ALK: variants seen among roughly 807,000 people sequenced by gnomAD.
ALK encodes the protein ALK receptor tyrosine kinase.
A neutral mutation model predicts 163.1 loss-of-function variants in ALK; 74 were observed. That is an observed-to-expected ratio of 0.45 (90% CI 0.38 to 0.55). The LOEUF (loss-of-function observed/expected upper bound fraction) is 0.55. ALK is among the 20% of genes least tolerant of loss of function. ALK has a pLI of 0.00. For synonymous variants in ALK, 960 were observed against 843.2 expected, an observed-to-expected ratio of 1.14 and a Z score of -2.40; for missense variants, 2,063 against 2,105.3, an observed-to-expected ratio of 0.98 and a Z score of 0.39.
chr2:29,303,941 T>C (rs1290062694), intron 8 of ALK, among the ~76,000 whole-genome samples: 3 of 152,188 alleles, frequency 2.0e-5, no homozygotes, highest in African/African-American at 4.8e-5. Flanking sequence ...AAACTCACTA[T>C]TTGGGTGATG....
intron 1 of ALK, among the ~76,000 whole-genome samples, chr2:29,762,250 A>C (rs997134813): frequency 6.6e-6 from 1 of 152,202 alleles, no homozygotes; most frequent in Non-Finnish European, 1.5e-5. Context: ...CCATTAAACC[A>C]AAGTTATTAT....
At chr2:29,682,687 C>A (rs1678112265) in intron 3 of ALK, among the ~76,000 whole-genome samples, 1 of 152,196 alleles carries the variant, frequency 6.6e-6, no homozygotes, top group Admixed American at 6.5e-5. Flanking sequence ...AGGGGCATCC[C>A]AAGCTGTTGT....
At chr2:29,741,987 T>C (rs1255263698) in intron 1 of ALK, among the ~76,000 whole-genome samples, 3 of 152,246 alleles carry the variant, frequency 2.0e-5, no homozygotes, top group Admixed American at 2.0e-4. Context: ...TAATGAAACC[T>C]GAACTCTGCC....
intron 3 of ALK, among the ~76,000 whole-genome samples, chr2:29,591,070 CAAAAAAAAAAAAAAAA>C (rs35070273): frequency 8.5e-5 from 4 of 46,914 alleles, no homozygotes; most frequent in South Asian, 1.4e-3. Flanking sequence ...GACTCCGTCT[CAAAAAAAAAAAAAAAA>C]AAAAAAAAAA....
chr2:29,341,465 C>T (rs1405524745), intron 5 of ALK, among the ~76,000 whole-genome samples: 1 of 152,172 alleles, frequency 6.6e-6, no homozygotes. Flanking sequence ...GCAAGGGCTT[C>T]CCAGCTGGGC....
chr2:29,467,317 A>G (rs907119913), intron 4 of ALK, among the ~76,000 whole-genome samples: 1 of 152,062 alleles, frequency 6.6e-6, no homozygotes, highest in Admixed American at 6.6e-5. Context: ...TTGTTTAATT[A>G]ATTAAAAGAT....
chr2:29,360,973 C>T (rs1369129962), intron 5 of ALK, among the ~76,000 whole-genome samples: 1 of 151,278 alleles, frequency 6.6e-6, no homozygotes, highest in East Asian at 1.9e-4. Context: ...TAGGGCTCAG[C>T]TAGATGCAGA....
chr2:29,250,461 C>A (rs866669862), intron 12 of ALK, among the ~76,000 whole-genome samples: 1 of 152,162 alleles, frequency 6.6e-6, no homozygotes, highest in Admixed American at 6.5e-5. Context: ...TCTCAGCCCC[C>A]ACTCCAGACC....
At chr2:29,226,317 A>G (rs1663990491) in intron 18 of ALK, among the ~76,000 whole-genome samples, 1 of 151,910 alleles carries the variant, frequency 6.6e-6, no homozygotes, top group African/African-American at 2.4e-5. Context: ...GTCTCTACTG[A>G]AAATATGAAA....
intron 9 of ALK, among the ~76,000 whole-genome samples, chr2:29,280,858 G>T (rs1665698315): frequency 6.6e-6 from 1 of 150,476 alleles, no homozygotes; most frequent in Admixed American, 6.6e-5. Context: ...GAAGGTTCTG[G>T]TATGTACCAG....
intron 3 of ALK, among the ~76,000 whole-genome samples, chr2:29,559,902 C>A (rs1303335175): frequency 6.6e-6 from 1 of 152,138 alleles, no homozygotes; most frequent in East Asian, 1.9e-4. Context: ...CTCAGCCCCA[C>A]ATGGCTATTA....
chr2:29,291,085 A>T (rs10197126), intron 9 of ALK, among the ~76,000 whole-genome samples: 15,366 of 152,250 alleles, frequency 0.1, 810 homozygotes, highest in Non-Finnish European at 0.12. Context: ...GCTATTGACC[A>T]GGTGCGATGG....
At chr2:29,645,073 G>T (rs1475491587) in intron 3 of ALK, among the ~76,000 whole-genome samples, 2 of 152,054 alleles carry the variant, frequency 1.3e-5, no homozygotes, top group African/African-American at 2.4e-5. Context: ...CAATCCTTGA[G>T]CCTAGTAAAC....
intron 4 of ALK, among the ~76,000 whole-genome samples, chr2:29,395,223 A>G (rs1253750822): frequency 6.6e-6 from 1 of 152,142 alleles, no homozygotes; most frequent in Non-Finnish European, 1.5e-5. Context: ...CCAAGCCCAA[A>G]GGCTCCATTT....
chr2:29,257,177 G>A (rs565927124), intron 11 of ALK, among the ~76,000 whole-genome samples: 193 of 151,916 alleles, frequency 1.3e-3, no homozygotes, highest in Middle Eastern at 3.4e-3. Flanking sequence ...GAGGAGGGAC[G>A]TCACCTGCCT....
chr2:29,433,775 T>C (rs1233302379), intron 4 of ALK, among the ~76,000 whole-genome samples: 1 of 150,954 alleles, frequency 6.6e-6, no homozygotes, highest in African/African-American at 2.4e-5. Context: ...GGAAGGAAAA[T>C]GGAATCTATG....
At chr2:29,781,135 A>G (rs2148350561) in intron 1 of ALK, among the ~76,000 whole-genome samples, 1 of 152,336 alleles carries the variant, frequency 6.6e-6, no homozygotes, top group East Asian at 1.9e-4. Flanking sequence ...AGTGAGAGAG[A>G]AACTTACACA....
chr2:29,679,621 T>C (rs912129101), intron 3 of ALK, among the ~76,000 whole-genome samples: 6 of 151,972 alleles, frequency 3.9e-5, no homozygotes, highest in African/African-American at 1.2e-4. Flanking sequence ...CTCTCCATTT[T>C]TGTGCTGTTA....
At chr2:29,745,936 C>T (rs1680197404) in intron 1 of ALK, among the ~76,000 whole-genome samples, 1 of 152,190 alleles carries the variant, frequency 6.6e-6, no homozygotes, top group Non-Finnish European at 1.5e-5. Context: ...GACCACAGGT[C>T]CACACTCTCA....
Sources: gnomAD v4.1 joint callset for allele counts (sites outside exome capture counted in the v4.1 genomes callset) on GRCh38, gnomAD v4.1.1 for gene constraint, MANE v1.5 for transcripts, NCBI Gene and HGNC (gene_info 2026-07-23, HGNC 2026-07-21) for gene names.